ADGRD1: variants seen among roughly 807,000 people sequenced by gnomAD.
The protein encoded by ADGRD1 is G-protein coupled receptor 133.
A neutral mutation model predicts 113.4 loss-of-function variants in ADGRD1; 77 were observed. That is an observed-to-expected ratio of 0.68 (90% confidence interval 0.57 to 0.82). The LOEUF (loss-of-function observed/expected upper bound fraction) is 0.82. ADGRD1 is among the 40% of genes least tolerant of loss of function. The pLI is 0.00. For synonymous variants in ADGRD1, 474 were observed against 475.0 expected, an observed-to-expected ratio of 1.00 and a Z score of 0.03; for missense variants, 1,036 against 1,139.1, an observed-to-expected ratio of 0.91 and a Z score of 1.30.
chr12:131,105,048 C>A, intron 16 of ADGRD1, 114 bp downstream of exon 16: 1 of 767,404 alleles, frequency 1.3e-6, no homozygotes, highest in Non-Finnish European at 2.0e-6. Context: ...GAGCACCAGG[C>A]TTAGCTGGAA....
At chr12:130,983,244 G>T (rs1873233889) in intron 5 of ADGRD1, among the ~76,000 whole-genome samples, 1 of 152,150 alleles carries the variant, frequency 6.6e-6, no homozygotes, top group African/African-American at 2.4e-5. Context: ...GGCACAGTGG[G>T]CCCAGAAGGT....
At chr12:131,078,778 C>A (rs1349108864) in intron 14 of ADGRD1, among the ~76,000 whole-genome samples, 1 of 152,146 alleles carries the variant, frequency 6.6e-6, no homozygotes, top group Non-Finnish European at 1.5e-5. Context: ...GTTCTTTTCC[C>A]TCAATTCCTA....
chr12:131,072,388 T>C (rs1885255310), intron 13 of ADGRD1, among the ~76,000 whole-genome samples: 2 of 152,218 alleles, frequency 1.3e-5, no homozygotes, highest in African/African-American at 4.8e-5. Flanking sequence ...TCTTCTGAAG[T>C]AGGGGGCATC....
chr12:131,109,247 C>T (rs1182835012), intron 18 of ADGRD1, among the ~76,000 whole-genome samples: 1 of 151,988 alleles, frequency 6.6e-6, no homozygotes, highest in East Asian at 1.9e-4. Flanking sequence ...TTCTATTATC[C>T]GTTTCTTTAA....
chr12:130,971,611 C>A lies in ADGRD1; in HGVS notation c.310+31C>A. 1 of 1,574,518 alleles carries A rather than the reference C, an allele frequency of 6.4e-7. No individual in the cohort carries two copies. The highest frequency in any genetic ancestry group is 1.2e-5 in the South Asian group (1 of 84,768). The stretch of plus-strand genomic sequence containing the variant: ...TGGCTGATCCCTGCGGCATCTTTGT[C>A]AAGCATTTCATTCTCAGGGAGCACC... On this transcript the variant is annotated intron_variant, in intron 4 of 24. Transcript: ENST00000261654. This position sits in a 1 kb window ranked among gnomAD's most constrained non-coding sequence, Gnocchi z 4.2.
At position 131,027,952 on chromosome 12, in the gene ADGRD1, G is replaced by A. The variant is rs1014137104; in HGVS notation, c.1473+13612G>A. 6.6e-6 allele frequency: 1 copy of A among 152,216 alleles called. No individual in the cohort carries two copies. The highest frequency in any genetic ancestry group is 1.5e-5 in the Non-Finnish European group (1 of 68,066). 9.4% of individuals were successfully genotyped at this position (152,216 alleles called of 1,614,324 possible). A position where few individuals can be genotyped will look rare whatever the true frequency, so the allele number is the denominator to read the frequency against. On this transcript the variant is annotated intron_variant, in intron 13 of 24. Transcript: ENST00000261654. The surrounding 1 kb of genome is among the most constrained non-coding windows in gnomAD (Gnocchi z 5.1). The stretch of plus-strand genomic sequence containing the variant: ...AGAGCTGCCGGATGTTCTAGTGAGC[G>A]CGTTTCTGCTGGTGAACCTGACTGT...
intron 13 of ADGRD1, among the ~76,000 whole-genome samples, chr12:131,074,903 T>G (rs1333355925): frequency 6.6e-6 from 1 of 152,148 alleles, no homozygotes; most frequent in African/African-American, 2.4e-5. Context: ...GTGGCTGTTT[T>G]CTACATTTCC....
Position 131,077,378 on chromosome 12 carries a change from G to A in ADGRD1, c.1547+504G>A, listed in dbSNP as rs371445949. On this transcript the variant is annotated intron_variant, in intron 14 of 24. Coordinates refer to ENST00000261654, the MANE Select transcript of ADGRD1 (RefSeq NM_198827.5). ...AGCCTCTGCCACTTGGGCCCTGACT[G>A]GGACGTCCTCCCCAGCATCTCCCAT... Among the ~76,000 whole-genome samples, 116 of 152,292 alleles carry A rather than the reference G, an allele frequency of 7.6e-4. No homozygotes were observed. The Middle Eastern group carries it at 0.01, about 13-fold the overall frequency.
chr12:131,049,893 G>A (rs1024316525), intron 13 of ADGRD1, among the ~76,000 whole-genome samples: 4 of 152,208 alleles, frequency 2.6e-5, no homozygotes, highest in Non-Finnish European at 2.9e-5. Flanking sequence ...TGGAGAGGGC[G>A]TCGGGGGAGA....
At chr12:131,103,227 G>C (rs760964918) in intron 15 of ADGRD1, among the ~76,000 whole-genome samples, 42 of 152,360 alleles carry the variant, frequency 2.8e-4, no homozygotes, top group Non-Finnish European at 5.6e-4. Flanking sequence ...CTGAGCCGGA[G>C]AGCACAAAAG....
chr12:130,987,907 A>T (rs1218691834), intron 6 of ADGRD1: 1 of 160,794 alleles, frequency 6.2e-6, no homozygotes, highest in Non-Finnish European at 1.4e-5. Context: ...CACTTGGCAC[A>T]TTCACGGTGT....
In ADGRD1 at chr12:131,050,306, A is replaced by C. The variant is rs1262997051; in HGVS notation, c.1474-26495A>C. 6.6e-6 allele frequency among the ~76,000 whole-genome samples: 1 copy of C among 152,172 alleles called. No homozygotes were observed. The highest frequency in any genetic ancestry group is 2.4e-5 in the African/African-American group (1 of 41,440). On this transcript the variant is annotated intron_variant, in intron 13 of 24. Transcript: ENST00000261654. The surrounding 1 kb of genome is among the most constrained non-coding windows in gnomAD (Gnocchi z 4.8). Reference sequence around the variant, plus strand: ...GGAAGTGCTGTTAGTTGGGCAGGCCAAGTACTCTGGAGTTGCTGGAACTAA... The same window carrying C: ...GGAAGTGCTGTTAGTTGGGCAGGCCCAGTACTCTGGAGTTGCTGGAACTAA...
intron 20 of ADGRD1, 125 bp from the exon 21 acceptor site, chr12:131,131,600 C>T (rs1217942712): frequency 1.1e-5 from 7 of 659,768 alleles, no homozygotes; most frequent in South Asian, 3.6e-5. Context: ...CAGTGATGCC[C>T]CTGTGTCCCA....
intron 5 of ADGRD1, among the ~76,000 whole-genome samples, chr12:130,985,461 C>G (rs943760289): frequency 1.3e-5 from 2 of 152,032 alleles, no homozygotes; most frequent in African/African-American, 4.8e-5. Context: ...GATGTTTTTC[C>G]TATATTATCT....
chr12:131,008,962 G>A (rs958942322), intron 12 of ADGRD1, among the ~76,000 whole-genome samples: 4 of 152,212 alleles, frequency 2.6e-5, no homozygotes, highest in African/African-American at 9.6e-5. Context: ...AGTAGGTCAC[G>A]GTTCTGCAGC....
intron 21 of ADGRD1, among the ~76,000 whole-genome samples, chr12:131,135,557 C>A (rs1308243988): frequency 6.6e-6 from 1 of 152,168 alleles, no homozygotes; most frequent in African/African-American, 2.4e-5. Context: ...GGGCTGCAGC[C>A]CAGTGAGGCC....
chr12:131,090,293 C>G (rs2137247217), intron 15 of ADGRD1, among the ~76,000 whole-genome samples: 1 of 152,276 alleles, frequency 6.6e-6, no homozygotes, highest in Admixed American at 6.5e-5. Context: ...AAATTTGCAG[C>G]ATACTCAGAG....
chr12:131,050,220 C>CATG lies in ADGRD1; in HGVS notation c.1474-26579_1474-26578insGAT, dbSNP rs1883246650. ...AAGTTGAAATCACCATCGTCATCGT[C>CATG]ATCATCATCATCATCATCAATGAGA... On this transcript the variant is annotated intron_variant, in intron 13 of 24. Coordinates refer to ENST00000261654, the MANE Select transcript of ADGRD1 (RefSeq NM_198827.5). This position sits in a 1 kb window ranked among gnomAD's most constrained non-coding sequence, Gnocchi z 4.8. Among the ~76,000 whole-genome samples the CATG allele has an allele frequency of 6.6e-6, 1 of 151,580 alleles. No homozygotes were observed. Among genetic ancestry groups the CATG allele is most frequent in the South Asian group, 2.1e-4 (1 of 4,754 alleles).
intron 4 of ADGRD1, chr12:130,973,186 C>T (rs1871894288): frequency 1.3e-5 from 2 of 152,240 alleles, no homozygotes; most frequent in South Asian, 4.1e-4. Flanking sequence ...CACCAGACTT[C>T]TCGACTCTTC....
Sources: gnomAD v4.1 joint callset for allele counts (sites outside exome capture counted in the v4.1 genomes callset) on GRCh38, gnomAD v4.1.1 for gene constraint, Gnocchi (gnomAD v3.1) non-coding constraint, MANE v1.5 for transcripts, NCBI Gene and HGNC (gene_info 2026-07-23, HGNC 2026-07-21) for gene names.